ADARB1: variants seen among roughly 807,000 people sequenced by gnomAD.
ADARB1 encodes adenosine deaminase RNA specific B1.
A neutral mutation model predicts 52.4 loss-of-function variants in ADARB1; 10 were observed. That is an observed-to-expected ratio of 0.19 (90% CI 0.12 to 0.32). ADARB1 has a LOEUF of 0.32. Ranked by LOEUF, ADARB1 falls within the 10% of genes least tolerant of loss-of-function variation. The probability of loss-of-function intolerance (pLI) is 1.00; values close to 1 mark genes in which losing one functional copy is unlikely to be tolerated. For missense variants in ADARB1, 643 were observed against 922.3 expected (o/e 0.70, Z 3.92); for synonymous variants, 349 against 371.1 (o/e 0.94, Z 0.68).
rs763929833 is a variant in ADARB1 at position 45,221,009 on chromosome 21, G to A, written c.1921G>A (p.Gly641Ser). 1.7e-5 allele frequency: 28 copies of A among 1,609,898 alleles called. No individual in the cohort carries two copies. The highest frequency in any genetic ancestry group is 2.2e-5 in the East Asian group (1 of 44,792). The part of the protein sequence containing the change: ...ALYCRWMRVH[G>S]KVPSHLLRSK... ...GTACTGTCGCTGGATGCGTGTGCACGGCAAGGTACTGAGGCGCCCTCACCG... is the reference window on the plus strand; with the variant it reads ...GTACTGTCGCTGGATGCGTGTGCACAGCAAGGTACTGAGGCGCCCTCACCG... Residue 641 changes from glycine to serine, a missense_variant, in exon 10 of 11, where the codon GGC becomes AGC. Gly to Ser is a moderately conservative substitution (Grantham distance 56). This residue lies in a region of ADARB1 where 263 missense variants were observed against 475.8 expected (regional missense o/e 0.55). Transcript: ENST00000348831. This position sits in a 1 kb window ranked among gnomAD's most constrained non-coding sequence, Gnocchi z 4.9.
At chr21:45,213,149 T>C (rs1458002864) in intron 9 of ADARB1, among the ~76,000 whole-genome samples, 3 of 152,192 alleles carry the variant, frequency 2.0e-5, no homozygotes, top group African/African-American at 4.8e-5. Context: ...GCCCAAAACC[T>C]ACCCAATCAG....
rs2092529850 is a variant in ADARB1, at chr21:45,200,520, A to T, written c.1566-4035A>T. On this transcript the variant is annotated intron_variant, in intron 8 of 10. Coordinates refer to ENST00000348831, the MANE Select transcript of ADARB1 (RefSeq NM_001112.4). The surrounding 1 kb of genome is among the most constrained non-coding windows in gnomAD (Gnocchi z 5.0). ...TGTCTATTCAGAGTCGGCTATGGCA[A>T]GGGGGCCAGAGCACTGTGTTGGGCA... Among the ~76,000 whole-genome samples, 1 of 152,172 alleles carries T rather than the reference A, an allele frequency of 6.6e-6. No homozygotes were observed. Among genetic ancestry groups the T allele is most frequent in the Non-Finnish European group, 1.5e-5 (1 of 68,026 alleles).
intron 8 of ADARB1, among the ~76,000 whole-genome samples, chr21:45,194,076 T>C (rs1022294038): frequency 1.3e-5 from 2 of 152,200 alleles, no homozygotes; most frequent in African/African-American, 4.8e-5. Flanking sequence ...GATTTCAAGA[T>C]AGTAATTAAG....
Position 45,193,830 on chromosome 21 carries a change from G to A in ADARB1, c.1565+8739G>A, listed in dbSNP as rs115852021. 8.8e-3 allele frequency among the ~76,000 whole-genome samples: 1,343 copies of A among 152,220 alleles called. 19 individuals are homozygous for A. The highest frequency in any genetic ancestry group is 0.029 in the African/African-American group (1,202 of 41,542). On this transcript the variant is annotated intron_variant, in intron 8 of 10. Transcript: ENST00000348831. ...TAACACATTGCCTAGAGAAATTAAA[G>A]AACTAAATAAATGGAGAGATACATC...
At chr21:45,080,390 G>C (rs867018154) in intron 1 of ADARB1, among the ~76,000 whole-genome samples, 1 of 152,200 alleles carries the variant, frequency 6.6e-6, no homozygotes, top group African/African-American at 2.4e-5. Context: ...GTGAGAGGGA[G>C]GCAGGAAGAG....
rs115450725 is a variant in ADARB1 at position 45,121,715 on chromosome 21, G to A, written c.-219-6687G>A. 3.4e-3 allele frequency among the ~76,000 whole-genome samples: 516 copies of A among 152,210 alleles called. 4 individuals are homozygous for A. Among genetic ancestry groups the A allele is most frequent in the African/African-American group, 0.011 (472 of 41,518 alleles). On this transcript the variant is annotated intron_variant, in intron 1 of 10. Coordinates refer to ENST00000348831, the MANE Select transcript of ADARB1 (RefSeq NM_001112.4). ...AAAACCTGTCCACTGAGCTTTTAGC[G>A]TTAGTCATTATAGCTATTATTTCTG...
At chr21:45,169,918 C>T (rs961664772) in intron 2 of ADARB1, among the ~76,000 whole-genome samples, 6 of 152,222 alleles carry the variant, frequency 3.9e-5, no homozygotes, top group Admixed American at 3.3e-4. Flanking sequence ...TCCCTCCAGC[C>T]AGGAGGCTCC....
rs750188437 is a variant in ADARB1, at chr21:45,222,058, A to G, written c.1967A>G (p.Asn656Ser). 3.1e-6 allele frequency: 5 copies of G among 1,613,720 alleles called. No individual in the cohort carries two copies. The highest frequency in any genetic ancestry group is 3.4e-6 in the Non-Finnish European group (4 of 1,179,982). ...CTACGCTCCAAGATTACCAAGCCCA[A>G]CGTGTACCATGAGTCCAAGCTGGCG... ...HLLRSKITKP[N>S]VYHESKLAAK... The change falls in exon 11 of 11, where the codon AAC (asparagine) becomes AGC (serine). Residue 656 changes from asparagine (N) to serine (S), a missense_variant. By Grantham distance (46) the Asn-to-Ser change is conservative. Coordinates refer to ENST00000348831, the MANE Select transcript of ADARB1 (RefSeq NM_001112.4).
chr21:45,215,418 G>A (rs142972989), intron 9 of ADARB1, among the ~76,000 whole-genome samples: 205 of 151,984 alleles, frequency 1.3e-3, no homozygotes, highest in Non-Finnish European at 1.5e-3. Context: ...CTTACTCAGC[G>A]TTTTTAATCA....
At chr21:45,109,251 GTGCGTATGTGTGTGCAC>G (rs2087411502) in intron 1 of ADARB1, among the ~76,000 whole-genome samples, 1 of 112,660 alleles carries the variant, frequency 8.9e-6, no homozygotes, top group Non-Finnish European at 1.9e-5. Context: ...GTGCGCGCGT[GTGCGTATGTGTGTGCAC>G]TGCGCGCGTG....
rs2092706623 is a variant in ADARB1 at position 45,208,518 on chromosome 21, AT to A, written c.1747+3784del. Among the ~76,000 whole-genome samples, 1 of 152,198 alleles carries A rather than the reference AT, an allele frequency of 6.6e-6. No individual in the cohort carries two copies. Among genetic ancestry groups the A allele is most frequent in the Non-Finnish European group, 1.5e-5 (1 of 68,034 alleles). On this transcript the variant is annotated intron_variant, in intron 9 of 10. Coordinates refer to ENST00000348831, the MANE Select transcript of ADARB1 (RefSeq NM_001112.4). This position sits in a 1 kb window ranked among gnomAD's most constrained non-coding sequence, Gnocchi z 5.6. ...TGCTATCCACCCGAGACCATTTGACATTATGGGCAGGAAGAGCAAGGGAAGC... is the reference window on the plus strand; with the variant it reads ...TGCTATCCACCCGAGACCATTTGACATATGGGCAGGAAGAGCAAGGGAAGC...
intron 2 of ADARB1, among the ~76,000 whole-genome samples, chr21:45,146,737 A>G (rs568795682): frequency 3.9e-5 from 6 of 152,370 alleles, no homozygotes; most frequent in Non-Finnish European, 7.3e-5. Context: ...TCGAACTTCT[A>G]TAAGCACTTT....
At chr21:45,174,210 T>C (rs753475553) in intron 3 of ADARB1, among the ~76,000 whole-genome samples, 2 of 152,176 alleles carry the variant, frequency 1.3e-5, no homozygotes, top group Non-Finnish European at 2.9e-5. Context: ...TAGTAATATT[T>C]TGGTTACTTT....
Position 45,223,314 on chromosome 21 carries a change from G to A in ADARB1, c.*1117G>A, listed in dbSNP as rs1016250235. ...GCTGGTGAGACCACGTGCTGCTGGC[G>A]TAGTGTAGGCCAGACATTGACAGTC... On this transcript the variant is annotated 3_prime_UTR_variant, in exon 11 of 11. Coordinates refer to ENST00000348831, the MANE Select transcript of ADARB1 (RefSeq NM_001112.4). 1.1e-4 allele frequency: 112 copies of A among 985,400 alleles called. No homozygotes were observed. The highest frequency in any genetic ancestry group is 1.3e-4 in the Non-Finnish European group (110 of 829,964). The allele number at this position is 985,400 out of a possible 1,614,324, so 61.0% of individuals were successfully genotyped here. A position where few individuals can be genotyped will look rare whatever the true frequency, so the allele number is the denominator to read the frequency against.
intron 1 of ADARB1, among the ~76,000 whole-genome samples, chr21:45,110,578 C>G (rs1214720128): frequency 6.6e-6 from 1 of 152,146 alleles, no homozygotes; most frequent in African/African-American, 2.4e-5. Context: ...AACTCCTCAC[C>G]TAGAACAGTT....
At chr21:45,118,638 C>G (rs906100383) in intron 1 of ADARB1, 1 of 152,212 alleles carries the variant, frequency 6.6e-6, no homozygotes, top group East Asian at 1.9e-4. Context: ...CTTCTACTCT[C>G]TCCTTCTCTC....
At chr21:45,199,383 G>T (rs771356394) in intron 8 of ADARB1, among the ~76,000 whole-genome samples, 34 of 152,166 alleles carry the variant, frequency 2.2e-4, no homozygotes, top group Admixed American at 3.3e-4. Flanking sequence ...TGGGGTGGCC[G>T]GGCTTACACA....
intron 9 of ADARB1, among the ~76,000 whole-genome samples, chr21:45,219,340 A>G (rs950935746): frequency 1.3e-5 from 2 of 152,174 alleles, no homozygotes; most frequent in Admixed American, 6.5e-5. Flanking sequence ...CCTGGCCAAC[A>G]TGGTGAAACC....
Position 45,222,138 on chromosome 21 carries a change from G to A in ADARB1, c.2047G>A (p.Gly683Arg). ...TCTGTTCACAGCCTTCATCAAGGCG[G>A]GGCTGGGGGCCTGGGTGGAGAAGCC... ...ARLFTAFIKA[G>R]LGAWVEKPTE... Residue 683 changes from glycine (G) to arginine (R), a missense_variant, in exon 11 of 11, where the codon GGG (glycine) becomes AGG (arginine). Gly to Arg is a moderately radical substitution (Grantham distance 125, BLOSUM62 -2). Transcript: ENST00000348831. 1 of 1,610,168 alleles carries A rather than the reference G, an allele frequency of 6.2e-7. No individual in the cohort carries two copies. Among genetic ancestry groups the A allele is most frequent in the African/African-American group, 1.3e-5 (1 of 74,924 alleles).
Sources: allele counts gnomAD v4.1 joint callset (sites outside exome capture counted in the v4.1 genomes callset), GRCh38; gene constraint gnomAD v4.1.1; regional missense constraint gnomAD v4.1.1; non-coding constraint Gnocchi (gnomAD v3.1); transcripts MANE v1.5; gene names NCBI Gene and HGNC (gene_info 2026-07-23, HGNC 2026-07-21).